CYP7B1: variants seen among roughly 807,000 people sequenced by gnomAD.
The protein encoded by CYP7B1 is cytochrome P450 family 7 subfamily B member 1.
In CYP7B1, 29 loss-of-function variants were observed where a neutral mutation model predicts 42.7. The ratio of observed to expected loss-of-function variants is 0.68; its 90% CI spans 0.51 to 0.93. The LOEUF is 0.93. CYP7B1 is among the 40% of genes least tolerant of loss of function. The probability of loss-of-function intolerance (pLI) is 0.00; values close to 1 mark genes in which losing one functional copy is unlikely to be tolerated. For synonymous variants in CYP7B1, 235 were observed against 218.2 expected, an observed-to-expected ratio of 1.08 and a Z score of -0.68; for missense variants, 655 against 600.5, an observed-to-expected ratio of 1.09 and a Z score of -0.95.
chr8:64,712,844 C>T (rs1322214212), intron 1 of CYP7B1, among the ~76,000 whole-genome samples: 1 of 151,398 alleles, frequency 6.6e-6, no homozygotes, highest in Non-Finnish European at 1.5e-5. Flanking sequence ...CACTGTGAGG[C>T]CGAAAGAGAG....
intron 1 of CYP7B1, among the ~76,000 whole-genome samples, chr8:64,641,328 T>C (rs28679790): frequency 0.64 from 97,988 of 152,002 alleles, 31,817 homozygotes; most frequent in African/African-American, 0.68. Flanking sequence ...TGCCTGTTTT[T>C]CTTTTAAAAG....
At chr8:64,654,342 T>C (rs865804974) in intron 1 of CYP7B1, among the ~76,000 whole-genome samples, 1 of 152,132 alleles carries the variant, frequency 6.6e-6, no homozygotes, top group Non-Finnish European at 1.5e-5. Context: ...ACAAAATTAG[T>C]GTACAAAAAT....
chr8:64,643,148 T>TATATATAC (rs1805889251), intron 1 of CYP7B1, among the ~76,000 whole-genome samples: 1 of 116,770 alleles, frequency 8.6e-6, no homozygotes, highest in Admixed American at 1.0e-4. Context: ...CATATATACA[T>TATATATAC]ATATACATAT....
intron 1 of CYP7B1, among the ~76,000 whole-genome samples, chr8:64,645,378 C>T (rs1345162375): frequency 6.6e-6 from 1 of 152,084 alleles, no homozygotes; most frequent in East Asian, 1.9e-4. Context: ...GTCCAACCAA[C>T]AGTGTAAAAG....
At position 64,594,655 on chromosome 8, in the gene CYP7B1, C is replaced by T. The variant is rs191899566; in HGVS notation, c.*1987G>A. Among the ~76,000 whole-genome samples, 1 of 152,068 alleles carries T rather than the reference C, an allele frequency of 6.6e-6. No individual in the cohort carries two copies. Among genetic ancestry groups the T allele is most frequent in the Admixed American group, 6.6e-5 (1 of 15,254 alleles). ...GTGTAAGGAGAGTGATCACTCAACT[C>T]GATGAACCTAGAGTTAAAACAAAAA... On this transcript the variant is annotated 3_prime_UTR_variant, in exon 6 of 6. Transcript: ENST00000310193.
rs74933811 is a variant in CYP7B1, at chr8:64,613,223, T to C, written c.1057+1803A>G. ...TTGTCAATGATAGGAGACTTGTCAA[T>C]TTATGAGGGATCCAACAGTGAAAAT... On this transcript the variant is annotated intron_variant, in intron 4 of 5. Transcript: ENST00000310193. 6.4e-3 allele frequency among the ~76,000 whole-genome samples: 977 copies of C among 152,288 alleles called. 3 individuals carry two copies. The highest frequency in any genetic ancestry group is 9.4e-3 in the Non-Finnish European group (641 of 68,016).
chr8:64,788,796 C>G (rs757601915), intron 1 of CYP7B1, among the ~76,000 whole-genome samples: 13 of 152,166 alleles, frequency 8.5e-5, no homozygotes, highest in Admixed American at 5.2e-4. Flanking sequence ...GAACTTAACT[C>G]TTGTTTATAT....
intron 1 of CYP7B1, among the ~76,000 whole-genome samples, chr8:64,768,121 G>C (rs763013274): frequency 6.6e-6 from 1 of 152,120 alleles, no homozygotes; most frequent in South Asian, 2.1e-4. Context: ...CTTTAAACAC[G>C]GGGCTTGTAA....
chr8:64,672,941 G>A lies in CYP7B1; in HGVS notation c.123-48402C>T, dbSNP rs566937050. Reference sequence around the variant, plus strand: ...GTAAGAAAGAACTGATGTTTAATCCGGCTTAAAAATATTTACTCTGTGCAG... The same window carrying A: ...GTAAGAAAGAACTGATGTTTAATCCAGCTTAAAAATATTTACTCTGTGCAG... On this transcript the variant is annotated intron_variant, in intron 1 of 5. Transcript: ENST00000310193. Among the ~76,000 whole-genome samples, 19 of 152,124 alleles carry A rather than the reference G, an allele frequency of 1.2e-4. No individual in the cohort carries two copies. In the South Asian group the frequency reaches 3.9e-3, roughly 32 times the overall value.
At chr8:64,673,758 T>C (rs986039518) in intron 1 of CYP7B1, among the ~76,000 whole-genome samples, 25 of 152,234 alleles carry the variant, frequency 1.6e-4, no homozygotes, top group African/African-American at 6.0e-4. Context: ...GGTCCTTGAT[T>C]AAAAATCTAT....
intron 1 of CYP7B1, among the ~76,000 whole-genome samples, chr8:64,770,738 C>G (rs1265079455): frequency 6.6e-6 from 1 of 152,226 alleles, no homozygotes; most frequent in Non-Finnish European, 1.5e-5. Context: ...GATGAACCCA[C>G]AGTCCATGTG....
intron 1 of CYP7B1, among the ~76,000 whole-genome samples, chr8:64,710,559 A>G (rs1429231486): frequency 6.6e-6 from 1 of 151,960 alleles, no homozygotes; most frequent in Non-Finnish European, 1.5e-5. Context: ...AATTCCTCCA[A>G]CCTTGGAAAT....
chr8:64,595,727 C>T lies in CYP7B1; in HGVS notation c.*915G>A, dbSNP rs1805107426. Reference sequence around the variant, plus strand: ...AAAATAGAACACATGAACTCCAAATCCAAAAGGTGAGACATCAAAACCAAA... The same window carrying T: ...AAAATAGAACACATGAACTCCAAATTCAAAAGGTGAGACATCAAAACCAAA... On this transcript the variant is annotated 3_prime_UTR_variant, in exon 6 of 6. Transcript: ENST00000310193. Among the ~76,000 whole-genome samples the T allele has an allele frequency of 6.6e-6, 1 of 152,138 alleles. No homozygotes were observed. The highest frequency in any genetic ancestry group is 2.1e-4 in the South Asian group (1 of 4,832).
chr8:64,706,339 G>C (rs750335179), intron 1 of CYP7B1, among the ~76,000 whole-genome samples: 1 of 151,884 alleles, frequency 6.6e-6, no homozygotes, highest in African/African-American at 2.4e-5. Flanking sequence ...AAATGTAGGC[G>C]TTCTTTTTAT....
At chr8:64,602,592 G>C (rs2129629894) in intron 5 of CYP7B1, among the ~76,000 whole-genome samples, 1 of 152,298 alleles carries the variant, frequency 6.6e-6, no homozygotes, top group African/African-American at 2.4e-5. Flanking sequence ...CCTATTGCCT[G>C]TTATCAACAT....
Position 64,672,240 on chromosome 8 carries a change from T to C in CYP7B1, c.123-47701A>G, listed in dbSNP as rs533974181. On this transcript the variant is annotated intron_variant, in intron 1 of 5. Coordinates refer to ENST00000310193, the MANE Select transcript of CYP7B1 (RefSeq NM_004820.5). The stretch of plus-strand genomic sequence containing the variant: ...TGAGCAGAAAGTGTTTCCTCTAAGC[T>C]GAAATTACACCAACCTGGAACTGGA... 1.2e-4 allele frequency among the ~76,000 whole-genome samples: 19 copies of C among 152,258 alleles called. No individual in the cohort carries two copies. The South Asian group carries it at 3.5e-3, about 28-fold the overall frequency.
chr8:64,700,503 G>C (rs1806899553), intron 1 of CYP7B1, among the ~76,000 whole-genome samples: 1 of 151,950 alleles, frequency 6.6e-6, no homozygotes, highest in African/African-American at 2.4e-5. Flanking sequence ...CCATCTATTA[G>C]GACAAAAAAG....
chr8:64,687,142 A>G (rs924550923), intron 1 of CYP7B1, among the ~76,000 whole-genome samples: 2 of 152,218 alleles, frequency 1.3e-5, no homozygotes, highest in African/African-American at 4.8e-5. Flanking sequence ...ATAAATTTAA[A>G]AAAAAAACAT....
chr8:64,680,727 T>C (rs1465529088), intron 1 of CYP7B1, among the ~76,000 whole-genome samples: 1 of 152,226 alleles, frequency 6.6e-6, no homozygotes, highest in African/African-American at 2.4e-5. Context: ...CTGATGATTA[T>C]ATGCTTTCAC....
Sources: gnomAD v4.1 joint callset for allele counts (sites outside exome capture counted in the v4.1 genomes callset) on GRCh38, gnomAD v4.1.1 for gene constraint, MANE v1.5 for transcripts, NCBI Gene and HGNC (gene_info 2026-07-23, HGNC 2026-07-21) for gene names.